The following AKT3 variants were observed in gnomAD, a reference collection of about 807,000 sequenced individuals.
AKT3 encodes the protein RAC-gamma serine/threonine-protein kinase.
Under a neutral mutation model 65.3 loss-of-function variants are expected in AKT3, and 15 were observed. The ratio of observed to expected loss-of-function variants is 0.23; its 90% confidence interval spans 0.15 to 0.35. The LOEUF (loss-of-function observed/expected upper bound fraction) is 0.35, where lower values mean the gene tolerates loss of function less well. AKT3 is among the 10% of genes least tolerant of loss of function. AKT3 has a pLI of 1.00. For synonymous variants in AKT3, 206 were observed against 183.8 expected, an observed-to-expected ratio of 1.12 and a Z score of -0.98; for missense variants, 243 against 576.5, an observed-to-expected ratio of 0.42 and a Z score of 5.92.
intron 5 of AKT3, 122 bp downstream of exon 5, chr1:243,645,771 A>G: frequency 2.1e-6 from 2 of 970,532 alleles, no homozygotes; most frequent in South Asian, 1.8e-5. Flanking sequence ...TGTGAATAAG[A>G]CCCACCAATA....
chr1:243,849,391 C>A (rs1695657543), intron 1 of AKT3, among the ~76,000 whole-genome samples: 1 of 141,272 alleles, frequency 7.1e-6, no homozygotes, highest in South Asian at 2.5e-4. Flanking sequence ...CACACACCCC[C>A]CCCCCCACCC....
At chr1:243,600,289 T>C (rs1211755626) in intron 8 of AKT3, among the ~76,000 whole-genome samples, 3 of 152,096 alleles carry the variant, frequency 2.0e-5, no homozygotes, top group Non-Finnish European at 4.4e-5. Flanking sequence ...GGCTTTTATG[T>C]AGAATTCAAC....
chr1:243,837,714 G>A (rs573602123), intron 2 of AKT3, among the ~76,000 whole-genome samples: 5 of 152,158 alleles, frequency 3.3e-5, no homozygotes, highest in East Asian at 1.9e-4. Flanking sequence ...AAAACTCTCC[G>A]AACTAGGAAT....
chr1:243,572,844 C>T (rs2148506600), intron 9 of AKT3, 82 bp downstream of exon 9: 2 of 1,366,138 alleles, frequency 1.5e-6, no homozygotes, highest in Non-Finnish European at 1.9e-6. Flanking sequence ...TTTCTCAAAA[C>T]TGTATAACTT....
intron 2 of AKT3, among the ~76,000 whole-genome samples, chr1:243,770,040 TC>T (rs1690079121): frequency 2.0e-5 from 3 of 152,220 alleles, no homozygotes; most frequent in Non-Finnish European, 4.4e-5. Context: ...AATCGGGTTG[TC>T]CCATCATCAT....
chr1:243,754,008 A>G (rs1688971590), intron 2 of AKT3, among the ~76,000 whole-genome samples: 1 of 152,202 alleles, frequency 6.6e-6, no homozygotes, highest in African/African-American at 2.4e-5. Flanking sequence ...CTGGGTAGAT[A>G]ATGAAAGCCT....
chr1:243,759,296 A>C (rs959121927), intron 2 of AKT3, among the ~76,000 whole-genome samples: 1 of 152,032 alleles, frequency 6.6e-6, no homozygotes, highest in Non-Finnish European at 1.5e-5. Flanking sequence ...CTCCAGCCTG[A>C]GCAACAGAGT....
chr1:243,830,343 G>C (rs1694424566), intron 2 of AKT3, among the ~76,000 whole-genome samples: 2 of 152,118 alleles, frequency 1.3e-5, no homozygotes, highest in African/African-American at 4.8e-5. Flanking sequence ...GCTATCTCCA[G>C]GAAGTCCTGG....
At chr1:243,798,037 C>T (rs1183995789) in intron 2 of AKT3, among the ~76,000 whole-genome samples, 10 of 149,502 alleles carry the variant, frequency 6.7e-5, no homozygotes, top group African/African-American at 2.5e-4. Context: ...CGCCCACCAC[C>T]ACACCCGTCT....
intron 11 of AKT3, among the ~76,000 whole-genome samples, chr1:243,552,106 T>A (rs769471509): frequency 2.0e-5 from 3 of 151,604 alleles, no homozygotes; most frequent in Admixed American, 6.6e-5. Flanking sequence ...CCTGGCCAAC[T>A]TGGCAAAACC....
chr1:243,742,059 TAA>T lies in AKT3; in HGVS notation c.47-46345_47-46344del, dbSNP rs36056068. Among the ~76,000 whole-genome samples, 566 of 125,598 alleles carry T rather than the reference TAA, an allele frequency of 4.5e-3. 1 individual carries two copies. Among genetic ancestry groups the T allele is most frequent in the East Asian group, 0.021 (93 of 4,488 alleles). The allele number at this position is 125,598 out of a possible 152,430, so 82.4% of individuals were successfully genotyped here. A position where few individuals can be genotyped will look rare whatever the true frequency, so the allele number is the denominator to read the frequency against. On this transcript the variant is annotated intron_variant, in intron 2 of 13. Transcript: ENST00000673466. ...ATTCAAACAACTACAGATAGAAAAT[TAA>T]AAAAAAAAAAAAAAAACAGTAAAAA...
intron 8 of AKT3, among the ~76,000 whole-genome samples, chr1:243,586,725 G>C (rs2148540375): frequency 6.6e-6 from 1 of 152,212 alleles, no homozygotes; most frequent in African/African-American, 2.4e-5. Context: ...GAAACTACTA[G>C]AGGAGGGGAG....
chr1:243,753,352 G>C (rs1400913356), intron 2 of AKT3, among the ~76,000 whole-genome samples: 1 of 152,146 alleles, frequency 6.6e-6, no homozygotes, highest in Non-Finnish European at 1.5e-5. Context: ...TACGTAAGCA[G>C]ATTAGCACTA....
At chr1:243,573,285 T>G (rs1674696664) in intron 8 of AKT3, among the ~76,000 whole-genome samples, 1 of 152,144 alleles carries the variant, frequency 6.6e-6, no homozygotes, top group Admixed American at 6.6e-5. Flanking sequence ...GGCATTCTGC[T>G]TGCTACCCAT....
intron 2 of AKT3, among the ~76,000 whole-genome samples, chr1:243,823,041 G>A (rs1693956232): frequency 6.6e-6 from 1 of 152,088 alleles, no homozygotes; most frequent in Non-Finnish European, 1.5e-5. Context: ...TAAAACGCTG[G>A]CAAAGTGAAT....
intron 6 of AKT3, among the ~76,000 whole-genome samples, chr1:243,630,867 G>C (rs1679555096): frequency 6.6e-6 from 1 of 152,074 alleles, no homozygotes; most frequent in Non-Finnish European, 1.5e-5. Flanking sequence ...ATTATTCATG[G>C]GACAATCAAA....
chr1:243,728,456 G>GT (rs747436027), intron 2 of AKT3, among the ~76,000 whole-genome samples: 10 of 152,222 alleles, frequency 6.6e-5, no homozygotes, highest in Non-Finnish European at 1.2e-4. Context: ...TATGCCAGCT[G>GT]TAAGTTTTAA....
At chr1:243,624,972 G>A (rs931478847) in intron 6 of AKT3, 2 of 317,738 alleles carry the variant, frequency 6.3e-6, no homozygotes, top group Admixed American at 3.3e-5. Context: ...CACCTGCCTA[G>A]TGACAAAGCC....
intron 6 of AKT3, among the ~76,000 whole-genome samples, chr1:243,615,796 A>G (rs1448620732): frequency 2.6e-5 from 4 of 152,076 alleles, no homozygotes; most frequent in Non-Finnish European, 5.9e-5. Flanking sequence ...CAGTGGTACA[A>G]TCACAGCTCA....
Sources: allele counts gnomAD v4.1 joint callset (sites outside exome capture counted in the v4.1 genomes callset), GRCh38; gene constraint gnomAD v4.1.1; transcripts MANE v1.5; gene names NCBI Gene and HGNC (gene_info 2026-07-23, HGNC 2026-07-21).